Variants in OSBP2 observed in about 807,000 individuals in gnomAD.
OSBP2 encodes the protein oxysterol binding protein 2, also known as oxysterol-binding protein 2.
A neutral mutation model predicts 96.0 loss-of-function variants in OSBP2; 66 were observed. The observed-to-expected ratio is 0.69, with a 90% CI of 0.56 to 0.84. OSBP2 has a LOEUF of 0.84. OSBP2 is among the 40% of genes least tolerant of loss of function. The pLI is 0.00. For synonymous variants in OSBP2, 525 were observed against 520.9 expected (o/e 1.01, Z -0.11); for missense variants, 1,038 against 1,222.7 (o/e 0.85, Z 2.25).
chr22:30,857,208 A>G (rs2039096943), intron 2 of OSBP2, among the ~76,000 whole-genome samples: 1 of 152,090 alleles, frequency 6.6e-6, no homozygotes, highest in South Asian at 2.1e-4. Flanking sequence ...TCCAGCAGGC[A>G]TGTGGGTGCA....
intron 12 of OSBP2, among the ~76,000 whole-genome samples, chr22:30,895,194 T>C (rs763552398): frequency 6.6e-6 from 1 of 152,134 alleles, no homozygotes; most frequent in Non-Finnish European, 1.5e-5. Context: ...GTATGAAGTA[T>C]GTTTATTGCG....
At chr22:30,789,532 A>G (rs1051094516) in intron 2 of OSBP2, among the ~76,000 whole-genome samples, 1 of 152,214 alleles carries the variant, frequency 6.6e-6, no homozygotes, top group Admixed American at 6.5e-5. Flanking sequence ...CCATAAACTC[A>G]GATACTTGTA....
intron 2 of OSBP2, chr22:30,842,821 C>A (rs1332497102): frequency 6.6e-6 from 1 of 152,484 alleles, no homozygotes; most frequent in Non-Finnish European, 1.5e-5. Flanking sequence ...TGTCATCCAG[C>A]CAGGCTGGAG....
intron 1 of OSBP2, among the ~76,000 whole-genome samples, chr22:30,698,649 G>A (rs936730548): frequency 6.6e-5 from 10 of 151,784 alleles, no homozygotes; most frequent in South Asian, 2.1e-4. Context: ...CATATTGGCC[G>A]GGATGGTCTC....
In OSBP2 at chr22:30,751,127, C is replaced by G. The variant is rs138773732; in HGVS notation, c.853+9758C>G. On this transcript the variant is annotated intron_variant, in intron 2 of 13. Coordinates refer to ENST00000332585, the MANE Select transcript of OSBP2 (RefSeq NM_030758.4). ...GGAAACCCTGCCCACTTCAAGTTGT[C>G]CCACTTTTCTGGACCAAACCAATGT... 4.8e-3 allele frequency among the ~76,000 whole-genome samples: 726 copies of G among 152,264 alleles called. 5 individuals carry two copies. Among genetic ancestry groups the G allele is most frequent in the African/African-American group, 0.015 (633 of 41,532 alleles).
At chr22:30,712,402 G>C (rs993829036) in intron 1 of OSBP2, among the ~76,000 whole-genome samples, 3 of 152,158 alleles carry the variant, frequency 2.0e-5, no homozygotes, top group African/African-American at 7.2e-5. Context: ...TGCCAGATGT[G>C]TATTTGTTGG....
chr22:30,799,326 G>A (rs1037499285), intron 2 of OSBP2, among the ~76,000 whole-genome samples: 2 of 152,152 alleles, frequency 1.3e-5, no homozygotes, highest in African/African-American at 4.8e-5. Flanking sequence ...TGGTCTTCGA[G>A]ACCAAGCTGG....
intron 1 of OSBP2, among the ~76,000 whole-genome samples, chr22:30,730,251 C>T (rs2089726868): frequency 1.3e-5 from 2 of 152,082 alleles, no homozygotes; most frequent in African/African-American, 4.8e-5. Flanking sequence ...GCGCGAGCCA[C>T]CGCACCCAGC....
chr22:30,705,404 C>T (rs553280299), intron 1 of OSBP2, among the ~76,000 whole-genome samples: 1 of 152,180 alleles, frequency 6.6e-6, no homozygotes, highest in Admixed American at 6.5e-5. Flanking sequence ...AGCAATTCTC[C>T]TGCCTCAGCC....
intron 2 of OSBP2, among the ~76,000 whole-genome samples, chr22:30,814,803 G>C (rs1289368365): frequency 6.6e-6 from 1 of 152,150 alleles, no homozygotes; most frequent in African/African-American, 2.4e-5. Flanking sequence ...TATGGATTTT[G>C]GGGGGACACA....
rs1216021764 is a variant in OSBP2, at chr22:30,904,156, C to G, written c.2376-1681C>G. 5.3e-5 allele frequency among the ~76,000 whole-genome samples: 8 copies of G among 152,300 alleles called. No homozygotes were observed. In the South Asian group the frequency reaches 1.0e-3, roughly 20 times the overall value. ...GCAGCAAGGGCCTAGGAAAGAGACC[C>G]TTGCAGGGTGATGGCAGGGCAGCCT... On this transcript the variant is annotated intron_variant, in intron 12 of 13. Coordinates refer to ENST00000332585, the MANE Select transcript of OSBP2 (RefSeq NM_030758.4).
chr22:30,767,297 A>G (rs1276289537), intron 2 of OSBP2, among the ~76,000 whole-genome samples: 1 of 151,846 alleles, frequency 6.6e-6, no homozygotes, highest in African/African-American at 2.4e-5. Flanking sequence ...GCAACAGAGC[A>G]AGACTTTCTC....
chr22:30,825,453 A>G (rs189214528), intron 2 of OSBP2, among the ~76,000 whole-genome samples: 2 of 152,314 alleles, frequency 1.3e-5, no homozygotes, highest in East Asian at 3.9e-4. Context: ...GATACTATGC[A>G]TCTGTGCCTA....
At chr22:30,853,806 TC>T (rs2039023277) in intron 2 of OSBP2, among the ~76,000 whole-genome samples, 2 of 151,030 alleles carry the variant, frequency 1.3e-5, no homozygotes, top group African/African-American at 4.9e-5. Context: ...TCTCGCTCTG[TC>T]CCCCAGGCTG....
chr22:30,696,911 G>A (rs961231797), intron 1 of OSBP2, among the ~76,000 whole-genome samples: 11 of 151,928 alleles, frequency 7.2e-5, no homozygotes, highest in Non-Finnish European at 1.5e-4. Context: ...CGCCTGCCTC[G>A]GCCTCCCAAA....
intron 2 of OSBP2, among the ~76,000 whole-genome samples, chr22:30,782,484 G>T (rs764612135): frequency 6.6e-6 from 1 of 152,104 alleles, no homozygotes; most frequent in Non-Finnish European, 1.5e-5. Flanking sequence ...CACTGCGCCC[G>T]GCTGCATTTT....
chr22:30,797,662 G>A (rs2145835946), intron 2 of OSBP2, among the ~76,000 whole-genome samples: 2 of 151,790 alleles, frequency 1.3e-5, no homozygotes, highest in South Asian at 4.2e-4. Context: ...CACAATCAAG[G>A]CTCACTGCAG....
intron 2 of OSBP2, among the ~76,000 whole-genome samples, chr22:30,778,144 A>C (rs2090459991): frequency 7.3e-6 from 1 of 136,352 alleles, no homozygotes. Context: ...ACAGGCATGC[A>C]CCAGCATGCC....
At chr22:30,778,584 G>C (rs1051676643) in intron 2 of OSBP2, among the ~76,000 whole-genome samples, 4 of 152,048 alleles carry the variant, frequency 2.6e-5, no homozygotes, top group Admixed American at 6.6e-5. Flanking sequence ...CACTTTCCTA[G>C]GGAAAATTCT....
Sources: gnomAD v4.1 joint callset for allele counts (sites outside exome capture counted in the v4.1 genomes callset) on GRCh38, gnomAD v4.1.1 for gene constraint, MANE v1.5 for transcripts, NCBI Gene and HGNC (gene_info 2026-07-23, HGNC 2026-07-21) for gene names.